ABCG1: variants seen among roughly 807,000 people sequenced by gnomAD.
ABCG1 encodes ATP binding cassette subfamily G member 1.
ABCG1 carries 29 observed loss-of-function variants against 69.2 expected under a neutral mutation model. The observed-to-expected ratio is 0.42, with a 90% CI of 0.31 to 0.57. The LOEUF (loss-of-function observed/expected upper bound fraction) is 0.57, where lower values mean the gene tolerates loss of function less well. ABCG1 is among the 20% of genes least tolerant of loss of function. The pLI is 0.15. For missense variants in ABCG1, 718 were observed against 898.1 expected (o/e 0.80, Z 2.56); for synonymous variants, 370 against 374.8 (o/e 0.99, Z 0.15).
In ABCG1 at chr21:42,284,566, G is replaced by T. The variant is rs1434208396; in HGVS notation, c.741G>T (p.Leu247=). 1 of 1,613,280 alleles carries T rather than the reference G, an allele frequency of 6.2e-7. No homozygotes were observed. The highest frequency in any genetic ancestry group is 2.2e-5 in the East Asian group (1 of 44,882). ...VMFFDEPTSG[L]DSASCFQVVS... ...GGTGCCTCTTGACTTGCAGCGGCCTGGACAGCGCCTCCTGCTTCCAGGTGG... is the reference window on the plus strand; with the variant it reads ...GGTGCCTCTTGACTTGCAGCGGCCTTGACAGCGCCTCCTGCTTCCAGGTGG... Residue 247 remains leucine, a synonymous_variant, in exon 7 of 15, where the codon CTG becomes CTT. Transcript: ENST00000398449.
At chr21:42,257,116 T>A (rs1420519688) in intron 2 of ABCG1, among the ~76,000 whole-genome samples, 1 of 152,170 alleles carries the variant, frequency 6.6e-6, no homozygotes, top group East Asian at 1.9e-4. Flanking sequence ...CATTACCAGA[T>A]GAAGAAAACA....
intron 1 of ABCG1, among the ~76,000 whole-genome samples, chr21:42,223,841 T>A (rs1448717632): frequency 6.6e-6 from 1 of 152,162 alleles, no homozygotes; most frequent in East Asian, 1.9e-4. Flanking sequence ...TCACCCTGTA[T>A]TAGTGTGGGC....
At chr21:42,265,850 C>T (rs923119548) in intron 2 of ABCG1, among the ~76,000 whole-genome samples, 1 of 152,184 alleles carries the variant, frequency 6.6e-6, no homozygotes, top group Non-Finnish European at 1.5e-5. Flanking sequence ...GCCCTGGCCT[C>T]CCCCTTAGTG....
chr21:42,210,984 A>G (rs534834645), intron 2 of ABCG1, among the ~76,000 whole-genome samples: 2,891 of 144,864 alleles, frequency 0.02, 110 homozygotes, highest in African/African-American at 0.071. Flanking sequence ...TTTTGAGACC[A>G]AGTCTCCCTC....
rs200135240 is a variant in ABCG1 at position 42,290,190 on chromosome 21, C to T, written c.1365C>T (p.Phe455=). Residue 455 remains phenylalanine (F), a synonymous_variant, in exon 11 of 15, where the codon TTC becomes TTT. Transcript: ENST00000398449. ...FLFFSMLFLM[F]AALMPTVLTF... ...TCTTCTCCATGCTGTTCCTCATGTT[C>T]GCGGCCCTCATGCCTACTGTTCTGA... is the stretch of plus-strand genomic sequence containing the variant. 17 of 1,614,022 alleles carry T rather than the reference C, an allele frequency of 1.1e-5. No individual in the cohort carries two copies. Among genetic ancestry groups the T allele is most frequent in the South Asian group, 4.4e-5 (4 of 91,080 alleles).
At chr21:42,272,785 T>A (rs2068639118) in intron 3 of ABCG1, among the ~76,000 whole-genome samples, 1 of 152,202 alleles carries the variant, frequency 6.6e-6, no homozygotes. Context: ...TTCTCCCTGG[T>A]GGAGAAGGGC....
In ABCG1 at chr21:42,276,490, T is replaced by C. The variant is rs976680952; in HGVS notation, c.538-405T>C. On this transcript the variant is annotated intron_variant, in intron 4 of 14. Coordinates refer to ENST00000398449, the MANE Select transcript of ABCG1 (RefSeq NM_016818.3). This position sits in a 1 kb window ranked among gnomAD's most constrained non-coding sequence, Gnocchi z 5.3. ...GGTACAGCAGAGAATTCAACTGAGA[T>C]AGCAGGAAGCATCGCACATGGACTG... 2 of 182,138 alleles carry C rather than the reference T, an allele frequency of 1.1e-5. No individual in the cohort carries two copies. Among genetic ancestry groups the C allele is most frequent in the African/African-American group, 4.7e-5 (2 of 42,652 alleles). The allele number at this position is 182,138 out of a possible 1,614,324, so 11.3% of individuals were successfully genotyped here.
In ABCG1 at chr21:42,219,174, C is replaced by T; in HGVS notation, c.-89C>T. On this transcript the variant is annotated 5_prime_UTR_variant, in exon 1 of 15. Transcript: ENST00000398449. The surrounding 1 kb of genome is among the most constrained non-coding windows in gnomAD (Gnocchi z 5.3). ...GCGCAGCCCGCACCCCGCGCAGCGG[C>T]TGAGCCGGGAGCCAGCGCAGCCTCG... 2 of 1,172,728 alleles carry T rather than the reference C, an allele frequency of 1.7e-6. No individual in the cohort carries two copies. Among genetic ancestry groups the T allele is most frequent in the Non-Finnish European group, 2.1e-6 (2 of 938,492 alleles). The allele number at this position is 1,172,728 out of a possible 1,614,324, so 72.6% of individuals were successfully genotyped here. A position where few individuals can be genotyped will look rare whatever the true frequency, so the allele number is the denominator to read the frequency against.
In ABCG1 at chr21:42,296,137, T is replaced by C; in HGVS notation, c.1773-27T>C. 6.3e-7 allele frequency: 1 copy of C among 1,593,370 alleles called. No homozygotes were observed. The highest frequency in any genetic ancestry group is 8.6e-7 in the Non-Finnish European group (1 of 1,161,448). ...GGCGTGGCTGGCTGGGAGAACGTCC[T>C]CCCTCATGCCTGGCCTTTCCTCCTA... On this transcript the variant is annotated intron_variant, in intron 14 of 14. Coordinates refer to ENST00000398449, the MANE Select transcript of ABCG1 (RefSeq NM_016818.3). The surrounding 1 kb of genome is among the most constrained non-coding windows in gnomAD (Gnocchi z 5.4).
chr21:42,296,454 G>C lies in ABCG1; in HGVS notation c.*62G>C. ...TGTGGCCGAGGGCACGTCTAGAATC[G>C]AGGAGGCAAGCCTGTGCCCGACCGA... On this transcript the variant is annotated 3_prime_UTR_variant, in exon 15 of 15. Transcript: ENST00000398449. This position sits in a 1 kb window ranked among gnomAD's most constrained non-coding sequence, Gnocchi z 5.4. 1 of 1,462,708 alleles carries C rather than the reference G, an allele frequency of 6.8e-7. No individual in the cohort carries two copies. The highest frequency in any genetic ancestry group is 9.4e-7 in the Non-Finnish European group (1 of 1,064,418). The allele number at this position is 1,462,708 out of a possible 1,614,324, so 90.6% of individuals were successfully genotyped here.
chr21:42,263,085 G>T (rs1293554106), intron 2 of ABCG1, among the ~76,000 whole-genome samples: 1 of 152,224 alleles, frequency 6.6e-6, no homozygotes, highest in Non-Finnish European at 1.5e-5. Flanking sequence ...GGTTCTCTTT[G>T]CAAAGCACTG....
intron 2 of ABCG1, among the ~76,000 whole-genome samples, chr21:42,229,254 C>A (rs1447643891): frequency 6.6e-6 from 1 of 152,266 alleles, no homozygotes; most frequent in African/African-American, 2.4e-5. Context: ...GGGGCTACTT[C>A]TCTGACTGCT....
At chr21:42,293,644 CACACT>C (rs2069139329) in intron 13 of ABCG1, among the ~76,000 whole-genome samples, 1 of 149,082 alleles carries the variant, frequency 6.7e-6, no homozygotes, top group African/African-American at 2.5e-5. Flanking sequence ...ACACACCACA[CACACT>C]ACACACCACA....
chr21:42,247,964 C>T (rs1387844462), intron 2 of ABCG1, among the ~76,000 whole-genome samples: 2 of 152,142 alleles, frequency 1.3e-5, no homozygotes, highest in East Asian at 1.9e-4. Context: ...GCGGACATCT[C>T]GATTTTGAAC....
intron 13 of ABCG1, among the ~76,000 whole-genome samples, chr21:42,293,950 A>ACCACACACACACTCCACACACACACT (rs148484065): frequency 8.8e-5 from 13 of 147,140 alleles, no homozygotes; most frequent in South Asian, 6.6e-4. Context: ...CACCGCCCAC[A>ACCACACACACACTCCACACACACACT]CCACACACAC....
chr21:42,275,421 C>T (rs1462648806), intron 4 of ABCG1, among the ~76,000 whole-genome samples: 1 of 152,230 alleles, frequency 6.6e-6, no homozygotes, highest in Non-Finnish European at 1.5e-5. Flanking sequence ...AGTTGGCGAA[C>T]AGATGCTGCA....
At chr21:42,201,667 C>T in exon 2 of ABCG1, 1 of 1,610,466 alleles carries the variant, frequency 6.2e-7, no homozygotes, top group South Asian at 1.1e-5. Context: ...GTGCCAGGAG[C>T]TGTTCTTGAT....
In ABCG1 at chr21:42,288,333, T is replaced by C. The variant is rs1475666856; in HGVS notation, c.1224+21T>C. On this transcript the variant is annotated intron_variant, in intron 10 of 14. Transcript: ENST00000398449. This position sits in a 1 kb window ranked among gnomAD's most constrained non-coding sequence, Gnocchi z 4.8. ...ACTCGGTAAGGCTGCCCGCATCTTC[T>C]CCTGTAGCTGGGGAACCCGTGGGTC... 6.4e-7 allele frequency: 1 copy of C among 1,570,394 alleles called. No homozygotes were observed. The highest frequency in any genetic ancestry group is 2.3e-5 in the East Asian group (1 of 44,414).
intron 6 of ABCG1, 34 bp downstream of exon 6, chr21:42,282,453 G>T: frequency 6.3e-7 from 1 of 1,592,864 alleles, no homozygotes; most frequent in Non-Finnish European, 8.6e-7. Context: ...GTGTCCAGGG[G>T]CAGGAAGAAC....
Sources: allele counts gnomAD v4.1 joint callset (sites outside exome capture counted in the v4.1 genomes callset), GRCh38; gene constraint gnomAD v4.1.1; non-coding constraint Gnocchi (gnomAD v3.1); transcripts MANE v1.5; gene names NCBI Gene and HGNC (gene_info 2026-07-23, HGNC 2026-07-21).